The following LHFPL6 variants were observed in gnomAD, a reference collection of about 807,000 sequenced individuals.
LHFPL6 encodes LHFPL tetraspan subfamily member 6.
Under a neutral mutation model 20.6 loss-of-function variants are expected in LHFPL6, and 9 were observed. That is an observed-to-expected ratio of 0.44 (90% CI 0.26 to 0.76). The LOEUF (loss-of-function observed/expected upper bound fraction) is 0.76. LHFPL6 is among the 30% of genes least tolerant of loss of function. The pLI is 0.20. For missense variants in LHFPL6, 218 were observed against 253.5 expected (o/e 0.86, Z 0.95); for synonymous variants, 105 against 98.7 (o/e 1.06, Z -0.38).
At chr13:39,457,167 A>C (rs1872591553) in intron 2 of LHFPL6, among the ~76,000 whole-genome samples, 1 of 152,168 alleles carries the variant, frequency 6.6e-6, no homozygotes, top group African/African-American at 2.4e-5. Context: ...CAAAATGAAA[A>C]ATCTTATATT....
At chr13:39,377,208 A>G (rs1593290573) in intron 3 of LHFPL6, among the ~76,000 whole-genome samples, 1 of 152,258 alleles carries the variant, frequency 6.6e-6, no homozygotes, top group African/African-American at 2.4e-5. Flanking sequence ...TCTTCATTAA[A>G]CCTAGCATAA....
At chr13:39,570,777 G>A (rs1364888825) in intron 2 of LHFPL6, among the ~76,000 whole-genome samples, 3 of 152,162 alleles carry the variant, frequency 2.0e-5, no homozygotes, top group Non-Finnish European at 4.4e-5. Flanking sequence ...GAGTGCGTGT[G>A]AGTGAATGTG....
chr13:39,544,812 T>A (rs185335654), intron 2 of LHFPL6, among the ~76,000 whole-genome samples: 3 of 152,132 alleles, frequency 2.0e-5, no homozygotes, highest in Non-Finnish European at 4.4e-5. Context: ...AAGTTTCAAG[T>A]ATTCTTTCAT....
chr13:39,366,763 T>C (rs900342635), intron 3 of LHFPL6, among the ~76,000 whole-genome samples: 13 of 152,154 alleles, frequency 8.5e-5, no homozygotes, highest in Non-Finnish European at 1.5e-5. Flanking sequence ...GGGGCTGATG[T>C]GAAACAGCCC....
At chr13:39,446,997 C>T (rs1214264299) in intron 2 of LHFPL6, among the ~76,000 whole-genome samples, 1 of 152,198 alleles carries the variant, frequency 6.6e-6, no homozygotes, top group Admixed American at 6.5e-5. Flanking sequence ...CTAACCAACC[C>T]AGTTAATTAG....
intron 2 of LHFPL6, among the ~76,000 whole-genome samples, chr13:39,408,724 G>C (rs1322642011): frequency 1.3e-5 from 2 of 152,210 alleles, no homozygotes; most frequent in East Asian, 3.9e-4. Context: ...GATGCCTTCT[G>C]TCACAATGAC....
chr13:39,454,184 A>T (rs569788445), intron 2 of LHFPL6, among the ~76,000 whole-genome samples: 2 of 152,352 alleles, frequency 1.3e-5, no homozygotes, highest in East Asian at 3.9e-4. Context: ...CTCATTATAA[A>T]GTATTCTATT....
intron 2 of LHFPL6, among the ~76,000 whole-genome samples, chr13:39,493,331 GAAAAGAAAAGAAAA>G (rs1868993772): frequency 1.4e-5 from 2 of 147,036 alleles, no homozygotes; most frequent in South Asian, 2.2e-4. Context: ...TAGGGAAAAA[GAAAAGAAAAGAAAA>G]AAAAGAAAAG....
intron 2 of LHFPL6, among the ~76,000 whole-genome samples, chr13:39,394,554 T>C (rs1294021622): frequency 6.6e-6 from 1 of 152,206 alleles, no homozygotes; most frequent in East Asian, 1.9e-4. Flanking sequence ...CTTAAGTCAG[T>C]ACTTCTCTGA....
chr13:39,471,468 T>C (rs1872944069), intron 2 of LHFPL6, among the ~76,000 whole-genome samples: 1 of 152,148 alleles, frequency 6.6e-6, no homozygotes, highest in Non-Finnish European at 1.5e-5. Flanking sequence ...GGTAATCCCT[T>C]TGCTGTGGCA....
chr13:39,400,405 T>C lies in LHFPL6; in HGVS notation c.386-21879A>G, dbSNP rs541306784. Among the ~76,000 whole-genome samples the C allele has an allele frequency of 2.8e-4, 43 of 152,296 alleles. 1 individual carries two copies. Among genetic ancestry groups the C allele is most frequent in the Admixed American group, 1.5e-3 (23 of 15,306 alleles). On this transcript the variant is annotated intron_variant, in intron 2 of 3. Coordinates refer to ENST00000379589, the MANE Select transcript of LHFPL6 (RefSeq NM_005780.3). Reference sequence around the variant, plus strand: ...TGGCTTCCATACTAGTCAACACAGATGGGAGACATTTTCATCATTTGCAGA... The same window carrying C: ...TGGCTTCCATACTAGTCAACACAGACGGGAGACATTTTCATCATTTGCAGA...
intron 3 of LHFPL6, among the ~76,000 whole-genome samples, chr13:39,370,945 T>C (rs1870152551): frequency 6.6e-6 from 1 of 152,184 alleles, no homozygotes; most frequent in Non-Finnish European, 1.5e-5. Context: ...TGCAAACAGA[T>C]TTTTCTCAAG....
At chr13:39,441,905 T>C (rs1244422645) in intron 2 of LHFPL6, among the ~76,000 whole-genome samples, 3 of 146,916 alleles carry the variant, frequency 2.0e-5, no homozygotes, top group Non-Finnish European at 4.5e-5. Flanking sequence ...CCTCGGCTCA[T>C]TGCAACCTCC....
In LHFPL6 at chr13:39,539,582, G is replaced by A. The variant is rs78019938; in HGVS notation, c.385+61250C>T. ...CCTGAACAATATGCTGCACATGCAC[G>A]TGACTGGGAGAATAAACACAGGTGC... is the stretch of plus-strand genomic sequence containing the variant. On this transcript the variant is annotated intron_variant, in intron 2 of 3. Coordinates refer to ENST00000379589, the MANE Select transcript of LHFPL6 (RefSeq NM_005780.3). 5.2e-3 allele frequency among the ~76,000 whole-genome samples: 799 copies of A among 152,302 alleles called. 2 individuals are homozygous for A. The highest frequency in any genetic ancestry group is 8.5e-3 in the Non-Finnish European group (580 of 68,038).
chr13:39,528,266 T>C (rs1870355671), intron 2 of LHFPL6, among the ~76,000 whole-genome samples: 1 of 152,168 alleles, frequency 6.6e-6, no homozygotes, highest in African/African-American at 2.4e-5. Flanking sequence ...CATCTGCCTC[T>C]GAATGGGGAT....
At chr13:39,405,776 C>T (rs1871100208) in intron 2 of LHFPL6, among the ~76,000 whole-genome samples, 1 of 152,216 alleles carries the variant, frequency 6.6e-6, no homozygotes. Context: ...ACATCAGAGA[C>T]AGAGTACGCA....
At chr13:39,456,819 C>T (rs1001878055) in intron 2 of LHFPL6, among the ~76,000 whole-genome samples, 4 of 149,236 alleles carry the variant, frequency 2.7e-5, no homozygotes, top group African/African-American at 9.9e-5. Flanking sequence ...TTTTTTGAGA[C>T]AGAGTCTTGC....
chr13:39,546,239 C>T (rs56066871), intron 2 of LHFPL6, among the ~76,000 whole-genome samples: 49,176 of 151,870 alleles, frequency 0.32, 8,112 homozygotes, highest in Middle Eastern at 0.44. Context: ...ACCTAACTCA[C>T]GCCATAGACC....
In LHFPL6 at chr13:39,601,175, C is replaced by T; in HGVS notation, c.42G>A (p.Leu14=). ...SLTCTGVIWA[L]LSFLCAATSC... Reference sequence around the variant, plus strand: ...AGGTGGCAGCACAAAGAAAAGACAGCAAAGCCCAGATTACTCCAGTACAAG... The same window carrying T: ...AGGTGGCAGCACAAAGAAAAGACAGTAAAGCCCAGATTACTCCAGTACAAG... Residue 14 remains leucine, a synonymous_variant, in exon 2 of 4, where the codon TTG becomes TTA. Coordinates refer to ENST00000379589, the MANE Select transcript of LHFPL6 (RefSeq NM_005780.3). 1 of 1,613,914 alleles carries T rather than the reference C, an allele frequency of 6.2e-7. No homozygotes were observed. Among genetic ancestry groups the T allele is most frequent in the Non-Finnish European group, 8.5e-7 (1 of 1,179,948 alleles).
Sources: allele counts gnomAD v4.1 joint callset (sites outside exome capture counted in the v4.1 genomes callset), GRCh38; gene constraint gnomAD v4.1.1; transcripts MANE v1.5; gene names NCBI Gene and HGNC (gene_info 2026-07-23, HGNC 2026-07-21).